Variants in TMPRSS7 observed in about 807,000 individuals in gnomAD.
TMPRSS7 encodes the protein transmembrane protease serine 7.
A neutral mutation model predicts 95.6 loss-of-function variants in TMPRSS7; 81 were observed. That is an observed-to-expected ratio of 0.85 (90% confidence interval 0.71 to 1.02). TMPRSS7 has a LOEUF of 1.02. TMPRSS7 is among the 50% of genes least tolerant of loss of function. The pLI, the probability that TMPRSS7 is intolerant of heterozygous loss-of-function variation, is 0.00. For synonymous variants in TMPRSS7, 364 were observed against 337.8 expected (o/e 1.08, Z -0.85); for missense variants, 945 against 955.2 (o/e 0.99, Z 0.14).
Position 112,076,947 on chromosome 3 carries a change from C to T in TMPRSS7, c.2027C>T (p.Pro676Leu), listed in dbSNP as rs775990921. ...CAGGGGAATGCCAAGTTTGTCTCCC[C>T]GGTGAGAAGAATTGTGGTCCACGAG... is the stretch of plus-strand genomic sequence containing the variant. The change falls in exon 16 of 18, where the codon CCG becomes CTG. Residue 676 changes from proline (P) to leucine (L), a missense_variant. Transcript: ENST00000452346. 1.7e-5 allele frequency: 28 copies of T among 1,614,060 alleles called. No homozygotes were observed. In the Middle Eastern group the frequency reaches 8.2e-4, roughly 47 times the overall value.
At chr3:112,069,298 T>C (rs1191970829) in intron 13 of TMPRSS7, among the ~76,000 whole-genome samples, 1 of 151,730 alleles carries the variant, frequency 6.6e-6, no homozygotes, top group African/African-American at 2.4e-5. Context: ...TTTTTTGTTG[T>C]GTCTCTGCCA....
At chr3:112,080,388 G>A (rs2073762616) in intron 17 of TMPRSS7, among the ~76,000 whole-genome samples, 2 of 152,148 alleles carry the variant, frequency 1.3e-5, no homozygotes, top group Admixed American at 6.5e-5. Flanking sequence ...ATGGGGCTAT[G>A]AGCTAACCAC....
chr3:112,041,958 A>G, exon 3 of TMPRSS7: 3 of 1,551,518 alleles, frequency 1.9e-6, no homozygotes, highest in Non-Finnish European at 1.7e-6. Flanking sequence ...CTTTGCTGGG[A>G]TGTTTCGCAT....
rs1316242283 is a variant in TMPRSS7, at chr3:112,038,338, T to C, written c.298+17T>C. On this transcript the variant is annotated intron_variant, in intron 2 of 17. Transcript: ENST00000452346. The stretch of plus-strand genomic sequence containing the variant: ...TGTATATCAGTAAGTTAAAAATCTG[T>C]GTTTCTTTGGGGTTAGGGCTTATGG... 4.3e-6 allele frequency: 3 copies of C among 699,144 alleles called. No individual in the cohort carries two copies. Among genetic ancestry groups the C allele is most frequent in the Non-Finnish European group, 7.8e-6 (3 of 382,574 alleles). 43.3% of individuals were successfully genotyped at this position (699,144 alleles called of 1,614,324 possible).
intron 3 of TMPRSS7, chr3:112,042,887 C>G (rs2073226656): frequency 2.5e-6 from 1 of 394,724 alleles, no homozygotes; most frequent in South Asian, 1.8e-5. Flanking sequence ...GCACATATTA[C>G]CAACTAGAAC....
At chr3:112,040,936 TGTA>T (rs1395229819) in intron 2 of TMPRSS7, among the ~76,000 whole-genome samples, 8 of 152,012 alleles carry the variant, frequency 5.3e-5, no homozygotes, top group Non-Finnish European at 1.0e-4. Context: ...GTTAGGTAAA[TGTA>T]GTCTGATTGA....
At chr3:112,044,524 CCTT>C (rs1387179426) in intron 4 of TMPRSS7, among the ~76,000 whole-genome samples, 2 of 152,172 alleles carry the variant, frequency 1.3e-5, no homozygotes, top group Non-Finnish European at 2.9e-5. Flanking sequence ...CAAATCCCGA[CCTT>C]CTCCCCATAG....
At position 112,038,342 on chromosome 3, in the gene TMPRSS7, T is replaced by C. The variant is rs761700505; in HGVS notation, c.298+21T>C. On this transcript the variant is annotated intron_variant, in intron 2 of 17. Coordinates refer to ENST00000452346, the Ensembl canonical transcript of TMPRSS7. The stretch of plus-strand genomic sequence containing the variant: ...TATCAGTAAGTTAAAAATCTGTGTT[T>C]CTTTGGGGTTAGGGCTTATGGTATG... 3 of 698,676 alleles carry C rather than the reference T, an allele frequency of 4.3e-6. No homozygotes were observed. In the South Asian group the frequency reaches 4.5e-5, roughly 10 times the overall value. The allele number at this position is 698,676 out of a possible 1,614,324, so 43.3% of individuals were successfully genotyped here.
At chr3:112,055,961 G>A (rs1428053499) in intron 9 of TMPRSS7, among the ~76,000 whole-genome samples, 1 of 152,174 alleles carries the variant, frequency 6.6e-6, no homozygotes, top group East Asian at 1.9e-4. Flanking sequence ...GGAGGCTGAG[G>A]CAGGTGGATC....
intron 10 of TMPRSS7, among the ~76,000 whole-genome samples, chr3:112,058,546 A>G (rs1028597182): frequency 3.3e-5 from 5 of 152,248 alleles, no homozygotes; most frequent in Non-Finnish European, 7.3e-5. Flanking sequence ...TATTATTAAT[A>G]TGAATAACAA....
At chr3:112,081,115 T>C in exon 18 of TMPRSS7, 2 of 1,573,720 alleles carry the variant, frequency 1.3e-6, no homozygotes, top group Non-Finnish European at 1.7e-6. Context: ...CTGTGATTTA[T>C]GTTAAAAATA....
chr3:112,061,531 G>T lies in TMPRSS7; in HGVS notation c.1311-256G>T, dbSNP rs1576113147. 4.6e-5 allele frequency among the ~76,000 whole-genome samples: 7 copies of T among 152,264 alleles called. 2 individuals carry two copies. Among genetic ancestry groups the T allele is most frequent in the Admixed American group, 4.6e-4 (7 of 15,288 alleles). On this transcript the variant is annotated intron_variant, in intron 10 of 17. Coordinates refer to ENST00000452346, the Ensembl canonical transcript of TMPRSS7. ...GGAGAATTAAATCCATATTTCTTTG[G>T]ATCATAAGTGATGGTGAGGAAAGCA...
chr3:112,045,113 C>A (rs1422697686), intron 4 of TMPRSS7, among the ~76,000 whole-genome samples: 1 of 152,108 alleles, frequency 6.6e-6, no homozygotes, highest in African/African-American at 2.4e-5. Flanking sequence ...GCACAGTCCC[C>A]GGACATGGCA....
Position 112,066,360 on chromosome 3 carries a change from C to T in TMPRSS7, c.1556-32C>T, listed in dbSNP as rs553143277. ...GAGAACCCAGCTGGTGTCTCAGGCT[C>T]GTGAACTTTCTGTTTTTATTTTTTA... On this transcript the variant is annotated intron_variant, in intron 12 of 17. Coordinates refer to ENST00000452346, the Ensembl canonical transcript of TMPRSS7. 32 of 1,599,824 alleles carry T rather than the reference C, an allele frequency of 2.0e-5. No homozygotes were observed. In the African/African-American group the frequency reaches 2.8e-4, roughly 14 times the overall value.
At chr3:112,041,965 G>A (rs11914332) in exon 3 of TMPRSS7, 28 of 1,551,398 alleles carry the variant, frequency 1.8e-5, no homozygotes, top group South Asian at 2.4e-5. Flanking sequence ...GGGATGTTTC[G>A]CATCACCAAC....
chr3:112,040,359 T>C (rs2073193350), intron 2 of TMPRSS7, among the ~76,000 whole-genome samples: 1 of 152,168 alleles, frequency 6.6e-6, no homozygotes, highest in Admixed American at 6.6e-5. Context: ...TAAGTGATTA[T>C]CTTGTGATGA....
chr3:112,037,956 A>C (rs1026095387), intron 1 of TMPRSS7, 116 bp from the exon 2 acceptor site: 1 of 608,944 alleles, frequency 1.6e-6, no homozygotes, highest in Non-Finnish European at 2.9e-6. Context: ...CATAAATATG[A>C]ATGCTTAAAT....
intron 2 of TMPRSS7, among the ~76,000 whole-genome samples, chr3:112,039,918 T>A (rs1211008306): frequency 6.6e-6 from 1 of 152,154 alleles, no homozygotes. Flanking sequence ...AGTAAGAATG[T>A]GCCTTTAACC....
intron 10 of TMPRSS7, among the ~76,000 whole-genome samples, chr3:112,060,383 C>T (rs550436784): frequency 6.6e-6 from 1 of 152,236 alleles, no homozygotes; most frequent in African/African-American, 2.4e-5. Context: ...TCCTAATAAG[C>T]CTGGGAGCAC....
Sources: allele counts gnomAD v4.1 joint callset (sites outside exome capture counted in the v4.1 genomes callset), GRCh38; gene constraint gnomAD v4.1.1; transcripts MANE v1.5; gene names NCBI Gene and HGNC (gene_info 2026-07-23, HGNC 2026-07-21).